The following ATXN3 variants were observed in gnomAD, a reference collection of about 807,000 sequenced individuals.
ATXN3 encodes the protein ataxin-3.
A neutral mutation model predicts 58.2 loss-of-function variants in ATXN3; 28 were observed. The ratio of observed to expected loss-of-function variants is 0.48; its 90% confidence interval spans 0.36 to 0.66. ATXN3 has a LOEUF of 0.66. Among genes scored for constraint, ATXN3 ranks in the 30% least tolerant of loss-of-function variants. The pLI is 0.00. For missense variants in ATXN3, 321 were observed against 422.1 expected (o/e 0.76, Z 2.10); for synonymous variants, 113 against 138.5 (o/e 0.82, Z 1.29).
Position 92,060,309 on chromosome 14 carries a change from A to G in ATXN3, c.*4011T>C. 6.9e-6 allele frequency: 1 copy of G among 145,458 alleles called. No individual in the cohort carries two copies. Among genetic ancestry groups the G allele is most frequent in the African/African-American group, 2.6e-5 (1 of 38,712 alleles). 9.0% of individuals were successfully genotyped at this position (145,458 alleles called of 1,614,324 possible). Reference sequence around the variant, plus strand: ...GAAACAGTGTCTCACTCTGTTGGGCAGGCTGGAATGCAGTGGTGAGCCCTT... The same window carrying G: ...GAAACAGTGTCTCACTCTGTTGGGCGGGCTGGAATGCAGTGGTGAGCCCTT... On this transcript the variant is annotated 3_prime_UTR_variant, in exon 11 of 11. Transcript: ENST00000644486.
At chr14:92,091,166 T>C (rs2063700044) in intron 5 of ATXN3, among the ~76,000 whole-genome samples, 1 of 151,856 alleles carries the variant, frequency 6.6e-6, no homozygotes, top group African/African-American at 2.4e-5. Flanking sequence ...AGAACCAACT[T>C]AGGGCTCGGC....
At chr14:92,101,947 G>A (rs1013510930) in intron 1 of ATXN3, among the ~76,000 whole-genome samples, 2 of 152,072 alleles carry the variant, frequency 1.3e-5, no homozygotes, top group African/African-American at 4.8e-5. Flanking sequence ...GAGGTCAAGA[G>A]ATCAAGACCA....
At chr14:92,090,113 A>C (rs2063460234) in intron 5 of ATXN3, among the ~76,000 whole-genome samples, 3 of 152,188 alleles carry the variant, frequency 2.0e-5, no homozygotes, top group Non-Finnish European at 4.4e-5. Flanking sequence ...CATATAACAT[A>C]TAAACACATT....
chr14:92,070,081 A>C lies in ATXN3; in HGVS notation c.991+854T>G, dbSNP rs2059166532. Among the ~76,000 whole-genome samples, 2 of 152,066 alleles carry C rather than the reference A, an allele frequency of 1.3e-5. 1 individual carries two copies. The highest frequency in any genetic ancestry group is 4.2e-4 in the South Asian group (2 of 4,816). On this transcript the variant is annotated intron_variant, in intron 10 of 10. Transcript: ENST00000644486. ...GTTGTTTTCTGATTATTCAGTTTTA[A>C]GAGTTCTTTATATATTCTGCTTATA...
intron 1 of ATXN3, among the ~76,000 whole-genome samples, chr14:92,105,834 G>C (rs374620100): frequency 9.8e-4 from 150 of 152,310 alleles, no homozygotes; most frequent in Middle Eastern, 3.4e-3. Flanking sequence ...AAACAAAGCT[G>C]GCCGCCTGCT....
intron 1 of ATXN3, among the ~76,000 whole-genome samples, chr14:92,098,801 G>A (rs1194258597): frequency 2.6e-5 from 4 of 152,240 alleles, no homozygotes; most frequent in Non-Finnish European, 5.9e-5. Context: ...CTCACTCCTG[G>A]ACAAGCCAGC....
chr14:92,057,444 C>CG (rs972559155), downstream of ATXN3, among the ~76,000 whole-genome samples: 7 of 95,608 alleles, frequency 7.3e-5, no homozygotes, highest in Non-Finnish European at 1.3e-4. Context: ...GGAGGGGGCG[C>CG]GGGGGTGGAC....
chr14:92,078,434 C>T (rs7148258), intron 9 of ATXN3, among the ~76,000 whole-genome samples: 43,711 of 151,874 alleles, frequency 0.29, 6,704 homozygotes, highest in East Asian at 0.44. Context: ...ACGATCTCGG[C>T]TCACCGCAAC....
At chr14:92,091,538 G>C (rs902123734) in intron 5 of ATXN3, among the ~76,000 whole-genome samples, 1 of 151,970 alleles carries the variant, frequency 6.6e-6, no homozygotes, top group African/African-American at 2.4e-5. Context: ...TGACTTAAAA[G>C]ATAACAATAG....
At chr14:92,068,066 C>A (rs2058759977) in intron 10 of ATXN3, among the ~76,000 whole-genome samples, 1 of 152,196 alleles carries the variant, frequency 6.6e-6, no homozygotes, top group African/African-American at 2.4e-5. Context: ...GGATTCTCTA[C>A]TCGGCCTCTT....
At chr14:92,053,091 A>T (rs1378908898), upstream of ATXN3, among the ~76,000 whole-genome samples, 1 of 152,142 alleles carries the variant, frequency 6.6e-6, no homozygotes, top group Non-Finnish European at 1.5e-5. Flanking sequence ...GTCTCTACTA[A>T]AAATACAAAA....
At chr14:92,047,714 TAA>T (rs755186682) in intron 2 of ATXN3, among the ~76,000 whole-genome samples, 8 of 152,034 alleles carry the variant, frequency 5.3e-5, no homozygotes, top group Non-Finnish European at 8.8e-5. Flanking sequence ...TGGGGATAAC[TAA>T]AAAAGAGTAC....
At chr14:92,086,388 C>A (rs759332579) in intron 6 of ATXN3, among the ~76,000 whole-genome samples, 8 of 151,360 alleles carry the variant, frequency 5.3e-5, no homozygotes, top group Non-Finnish European at 7.4e-5. Flanking sequence ...CATGGAGAAA[C>A]CCCTTCCATC....
chr14:92,052,494 A>G (rs1465133505), upstream of ATXN3, among the ~76,000 whole-genome samples: 1 of 132,852 alleles, frequency 7.5e-6, no homozygotes, highest in Non-Finnish European at 1.5e-5. Flanking sequence ...CATCTCAAAG[A>G]AAAAAAAAAA....
chr14:92,095,534 C>T (rs56280640), intron 3 of ATXN3, among the ~76,000 whole-genome samples: 3 of 151,354 alleles, frequency 2.0e-5, no homozygotes, highest in East Asian at 2.0e-4. Context: ...TGAGCCACCG[C>T]GCCCGGCCAG....
At chr14:92,091,275 A>AC (rs2063729133) in intron 5 of ATXN3, among the ~76,000 whole-genome samples, 1 of 151,786 alleles carries the variant, frequency 6.6e-6, no homozygotes, top group Non-Finnish European at 1.5e-5. Context: ...ACATGGCGAA[A>AC]CCCCGTCTCT....
At chr14:92,069,399 A>G (rs1595552914) in intron 10 of ATXN3, among the ~76,000 whole-genome samples, 6 of 70,800 alleles carry the variant, frequency 8.5e-5, no homozygotes, top group African/African-American at 1.7e-4. Flanking sequence ...TTTGAGACAG[A>G]GTTTTGCTCT....
At chr14:92,081,491 G>GAAAAAAAAAAAAAAAAAAAAAATAAAA (rs1184878700) in intron 8 of ATXN3, among the ~76,000 whole-genome samples, 1 of 121,470 alleles carries the variant, frequency 8.2e-6, no homozygotes, top group Non-Finnish European at 1.8e-5. Flanking sequence ...AAAAAAGAAA[G>GAAAAAAAAAAAAAAAAAAAAAATAAAA]AAAAAAAAAA....
At chr14:92,079,889 C>G (rs1242572217) in intron 9 of ATXN3, among the ~76,000 whole-genome samples, 1 of 152,118 alleles carries the variant, frequency 6.6e-6, no homozygotes, top group Non-Finnish European at 1.5e-5. Flanking sequence ...AGGCACCCAC[C>G]ACCATGCCCG....
Sources: allele counts gnomAD v4.1 joint callset (sites outside exome capture counted in the v4.1 genomes callset), GRCh38; gene constraint gnomAD v4.1.1; transcripts MANE v1.5; gene names NCBI Gene and HGNC (gene_info 2026-07-23, HGNC 2026-07-21).